Variants in UBE2D1 observed in about 807,000 individuals in gnomAD.
The protein encoded by UBE2D1 is ubiquitin conjugating enzyme E2 D1.
UBE2D1 carries 9 observed loss-of-function variants against 24.6 expected under a neutral mutation model. The observed-to-expected ratio is 0.37, with a 90% CI of 0.22 to 0.64. The LOEUF (loss-of-function observed/expected upper bound fraction) is 0.64. UBE2D1 is among the 30% of genes least tolerant of loss of function. The pLI is 0.64. For synonymous variants in UBE2D1, 57 were observed against 57.6 expected (o/e 0.99, Z 0.04); for missense variants, 87 against 177.1 (o/e 0.49, Z 2.89).
At chr10:58,335,584 A>T (rs945476390) in intron 1 of UBE2D1, among the ~76,000 whole-genome samples, 1 of 152,218 alleles carries the variant, frequency 6.6e-6, no homozygotes, top group Non-Finnish European at 1.5e-5. Context: ...GACCCCTGTC[A>T]TGCTGTGTTT....
chr10:58,346,154 G>A (rs1840013719), intron 1 of UBE2D1, among the ~76,000 whole-genome samples: 1 of 151,986 alleles, frequency 6.6e-6, no homozygotes, highest in Non-Finnish European at 1.5e-5. Context: ...GGGACTACAG[G>A]CGTGCACCAC....
At chr10:58,350,361 C>T (rs970362343) in intron 1 of UBE2D1, among the ~76,000 whole-genome samples, 4 of 145,418 alleles carry the variant, frequency 2.8e-5, no homozygotes, top group Admixed American at 2.7e-4. Flanking sequence ...TCCTTGATGA[C>T]TAATGAAACT....
chr10:58,360,060 AC>A (rs1248288108), intron 1 of UBE2D1, among the ~76,000 whole-genome samples: 1 of 151,712 alleles, frequency 6.6e-6, no homozygotes, highest in Non-Finnish European at 1.5e-5. Flanking sequence ...GACCTCCCTC[AC>A]CCCCTACCTA....
At chr10:58,356,664 CTG>C (rs1371806319) in intron 1 of UBE2D1, among the ~76,000 whole-genome samples, 1 of 152,142 alleles carries the variant, frequency 6.6e-6, no homozygotes, top group African/African-American at 2.4e-5. Context: ...CTCCAAAAGA[CTG>C]TATCAACTTA....
rs2132335867 is a variant in UBE2D1 at position 58,368,548 on chromosome 10, AT to A, written c.399-167del. On this transcript the variant is annotated intron_variant, in intron 6 of 6. Coordinates refer to ENST00000373910, the MANE Select transcript of UBE2D1 (RefSeq NM_003338.5). ...AGAGAAATCCATGAGTTAAAAAATT[AT>A]TTTTCCTGTTTTATTTCTGCATGAA... is the stretch of plus-strand genomic sequence containing the variant. 3 of 388,228 alleles carry A rather than the reference AT, an allele frequency of 7.7e-6. No homozygotes were observed. The East Asian group carries it at 1.1e-4, about 15-fold the overall frequency. 24.0% of individuals were successfully genotyped at this position (388,228 alleles called of 1,614,324 possible). A position where few individuals can be genotyped will look rare whatever the true frequency, so the allele number is the denominator to read the frequency against.
At chr10:58,335,499 C>G (rs1412307768) in intron 1 of UBE2D1, among the ~76,000 whole-genome samples, 2 of 152,260 alleles carry the variant, frequency 1.3e-5, no homozygotes, top group African/African-American at 4.8e-5. Context: ...TAGAGAGCCT[C>G]TTGCGCGTCC....
intron 6 of UBE2D1, 30 bp downstream of exon 6, chr10:58,368,046 T>A: frequency 1.3e-6 from 2 of 1,488,834 alleles, no homozygotes; most frequent in Non-Finnish European, 1.9e-6. Flanking sequence ...AGTTTCTGTA[T>A]GGATACATTC....
chr10:58,363,830 T>C, intron 4 of UBE2D1, 144 bp downstream of exon 4: 1 of 556,816 alleles, frequency 1.8e-6, no homozygotes, highest in Non-Finnish European at 3.0e-6. Flanking sequence ...TAAAAACTAC[T>C]GAATCTAAAA....
At chr10:58,341,423 A>C (rs1839960324) in intron 1 of UBE2D1, among the ~76,000 whole-genome samples, 1 of 152,100 alleles carries the variant, frequency 6.6e-6, no homozygotes, top group Non-Finnish European at 1.5e-5. Flanking sequence ...CCACGATGTA[A>C]ATTTTTTTTT....
At chr10:58,346,283 A>T (rs1284330188) in intron 1 of UBE2D1, among the ~76,000 whole-genome samples, 4 of 152,170 alleles carry the variant, frequency 2.6e-5, no homozygotes, top group African/African-American at 9.7e-5. Context: ...AAGTGCTGGG[A>T]TTACAGGCGT....
intron 1 of UBE2D1, chr10:58,361,079 GT>G: frequency 1.8e-6 from 1 of 548,138 alleles, no homozygotes. Flanking sequence ...TCATTAAATA[GT>G]TTTTCTCTTA....
intron 1 of UBE2D1, among the ~76,000 whole-genome samples, chr10:58,353,422 G>T (rs566101424): frequency 6.6e-6 from 1 of 152,074 alleles, no homozygotes; most frequent in Non-Finnish European, 1.5e-5. Context: ...GTTAGAAGAC[G>T]ACTTACTTTG....
chr10:58,351,027 AAG>A (rs1290727157), intron 1 of UBE2D1, among the ~76,000 whole-genome samples: 1 of 152,178 alleles, frequency 6.6e-6, no homozygotes, highest in East Asian at 1.9e-4. Flanking sequence ...TATAGTATAA[AAG>A]AGAAAAAATG....
intron 6 of UBE2D1, 53 bp downstream of exon 6, chr10:58,368,069 C>T: frequency 1.7e-6 from 2 of 1,198,948 alleles, no homozygotes; most frequent in Non-Finnish European, 1.2e-6. Context: ...ATATAGTATG[C>T]CAAAACACGA....
At chr10:58,363,720 T>G in intron 4 of UBE2D1, 34 bp downstream of exon 4, 3 of 1,462,676 alleles carry the variant, frequency 2.1e-6, no homozygotes, top group Non-Finnish European at 1.9e-6. Context: ...GTGACTCCCA[T>G]GTAAGAGATT....
intron 1 of UBE2D1, among the ~76,000 whole-genome samples, chr10:58,342,992 G>A (rs1413432920): frequency 6.6e-6 from 1 of 151,868 alleles, no homozygotes; most frequent in Non-Finnish European, 1.5e-5. Context: ...ACCACACCCA[G>A]CTAATTTTTT....
intron 1 of UBE2D1, chr10:58,360,820 G>A (rs1033987668): frequency 2.3e-5 from 8 of 348,666 alleles, no homozygotes; most frequent in African/African-American, 1.1e-4. Flanking sequence ...GTAGGAGTGG[G>A]GGCCTGAGGT....
chr10:58,344,307 GA>G (rs2132316904), intron 1 of UBE2D1, among the ~76,000 whole-genome samples: 1 of 152,314 alleles, frequency 6.6e-6, no homozygotes, highest in East Asian at 1.9e-4. Context: ...GTGTTGAGGT[GA>G]GTATTGAATT....
rs1275878982 is a variant in UBE2D1 at position 58,363,669 on chromosome 10, C to T, written c.181C>T (p.Pro61Ser). The T allele has an allele frequency of 6.2e-7, 1 of 1,610,478 alleles. No individual in the cohort carries two copies. ...CACTGTACATTTTCCGACAGATTAT[C>T]CTTTTAAACCACCAAAGGTATTTTT... ...FLTVHFPTDY[P>S]FKPPKIAFTT... Residue 61 changes from proline (P) to serine (S), a missense_variant, in exon 4 of 7, where the codon CCT (proline) becomes TCT (serine). By Grantham distance (74) the Pro-to-Ser change is moderately conservative (BLOSUM62 -1). Transcript: ENST00000373910.
Sources: allele counts gnomAD v4.1 joint callset (sites outside exome capture counted in the v4.1 genomes callset), GRCh38; gene constraint gnomAD v4.1.1; transcripts MANE v1.5; gene names NCBI Gene and HGNC (gene_info 2026-07-23, HGNC 2026-07-21).